Variants in MTSS1 observed in about 807,000 individuals in gnomAD.
MTSS1 encodes protein MTSS 1.
In MTSS1, 18 loss-of-function variants were observed where a neutral mutation model predicts 79.0. The ratio of observed to expected loss-of-function variants is 0.23; its 90% confidence interval spans 0.16 to 0.34. The LOEUF is 0.34. Ranked by LOEUF, MTSS1 falls within the 10% of genes least tolerant of loss-of-function variation. MTSS1 has a pLI of 1.00. For synonymous variants in MTSS1, 341 were observed against 368.6 expected, an observed-to-expected ratio of 0.93 and a Z score of 0.86; for missense variants, 815 against 986.2, an observed-to-expected ratio of 0.83 and a Z score of 2.33.
intron 3 of MTSS1, among the ~76,000 whole-genome samples, chr8:124,602,188 C>CATAT: frequency 2.3e-4 from 27 of 116,784 alleles, no homozygotes; most frequent in Admixed American, 1.1e-3. Context: ...CATATATATA[C>CATAT]ATATATATAT....
chr8:124,572,743 CTTTTTTTTT>C (rs747243821), intron 6 of MTSS1, among the ~76,000 whole-genome samples: 31 of 123,670 alleles, frequency 2.5e-4, no homozygotes, highest in Non-Finnish European at 4.1e-4. Context: ...CTTTTCTTTT[CTTTTTTTTT>C]TTTTTTTTGA....
chr8:124,687,709 G>A (rs949591933), intron 3 of MTSS1, among the ~76,000 whole-genome samples: 1 of 152,232 alleles, frequency 6.6e-6, no homozygotes, highest in Non-Finnish European at 1.5e-5. Flanking sequence ...AGAGAAGCCT[G>A]TGGATCAGCA....
chr8:124,701,665 G>A (rs1207208445), intron 2 of MTSS1, among the ~76,000 whole-genome samples: 1 of 152,186 alleles, frequency 6.6e-6, no homozygotes, highest in Non-Finnish European at 1.5e-5. Context: ...GAGGTGTCTT[G>A]CATATTACAC....
chr8:124,721,708 G>C (rs2135813356), intron 1 of MTSS1, among the ~76,000 whole-genome samples: 1 of 140,376 alleles, frequency 7.1e-6, no homozygotes, highest in Non-Finnish European at 1.6e-5. Flanking sequence ...AAAAGGCTTT[G>C]AGGGAAGACT....
At chr8:124,707,805 G>A (rs1431422602) in intron 1 of MTSS1, among the ~76,000 whole-genome samples, 2 of 152,136 alleles carry the variant, frequency 1.3e-5, no homozygotes, top group African/African-American at 4.8e-5. Context: ...GAGCCCGGGA[G>A]ATCGAAGCTG....
chr8:124,649,825 A>G, intron 3 of MTSS1, among the ~76,000 whole-genome samples: 1 of 152,104 alleles, frequency 6.6e-6, no homozygotes, highest in East Asian at 1.9e-4. Context: ...GTGCTTGGGG[A>G]AAAACACTGA....
chr8:124,660,447 C>G (rs928493783), intron 3 of MTSS1, among the ~76,000 whole-genome samples: 7 of 151,182 alleles, frequency 4.6e-5, no homozygotes, highest in African/African-American at 1.5e-4. Flanking sequence ...CACACACACA[C>G]ACACACACAC....
At chr8:124,567,637 G>T in intron 7 of MTSS1, 1 of 1,393,940 alleles carries the variant, frequency 7.2e-7, no homozygotes, top group Non-Finnish European at 9.3e-7. Context: ...TCTTTCTTGT[G>T]CTTTTCCAGC....
rs1824951209 is a variant in MTSS1 at position 124,674,650 on chromosome 8, C to T, written c.208+24876G>A. 4.0e-5 allele frequency among the ~76,000 whole-genome samples: 6 copies of T among 151,836 alleles called. No homozygotes were observed. The South Asian group carries it at 1.2e-3, about 32-fold the overall frequency. On this transcript the variant is annotated intron_variant, in intron 3 of 13. Transcript: ENST00000518547. ...GAAGCCACCACGCCCGGCCAGATTA[C>T]ATTTATTAAACCTCTCCCAGGCACT...
chr8:124,642,259 A>G (rs901411077), intron 3 of MTSS1, among the ~76,000 whole-genome samples: 1 of 152,246 alleles, frequency 6.6e-6, no homozygotes, highest in Non-Finnish European at 1.5e-5. Flanking sequence ...TAACGAATCA[A>G]TCAGCAGATA....
chr8:124,629,391 C>A (rs1815396347), intron 3 of MTSS1, among the ~76,000 whole-genome samples: 1 of 151,196 alleles, frequency 6.6e-6, no homozygotes, highest in Non-Finnish European at 1.5e-5. Flanking sequence ...GTGGCGGGCA[C>A]CTGTAGTCCC....
rs565396630 is a variant in MTSS1 at position 124,629,765 on chromosome 8, T to G, written c.209-38530A>C. On this transcript the variant is annotated intron_variant, in intron 3 of 13. Coordinates refer to ENST00000518547, the MANE Select transcript of MTSS1 (RefSeq NM_014751.6). Reference sequence around the variant, plus strand: ...CACAGCCTGCCTGAGGGGAGGGTTCTCTCTCCCAGACACCACACCACAAGG... The same window carrying G: ...CACAGCCTGCCTGAGGGGAGGGTTCGCTCTCCCAGACACCACACCACAAGG... Among the ~76,000 whole-genome samples the G allele has an allele frequency of 4.5e-4, 68 of 152,146 alleles. 2 individuals carry two copies. Among genetic ancestry groups the G allele is most frequent in the Non-Finnish European group, 7.5e-4 (51 of 68,020 alleles).
chr8:124,692,980 CCTCTGA>C (rs1230171261), intron 3 of MTSS1, among the ~76,000 whole-genome samples: 9 of 152,078 alleles, frequency 5.9e-5, no homozygotes, highest in Non-Finnish European at 1.3e-4. Flanking sequence ...CTAGGGGAAT[CCTCTGA>C]CCCCAGCATG....
At chr8:124,677,187 G>A (rs1420207129) in intron 3 of MTSS1, among the ~76,000 whole-genome samples, 2 of 152,088 alleles carry the variant, frequency 1.3e-5, no homozygotes, top group African/African-American at 4.8e-5. Flanking sequence ...AGGAGGCAGG[G>A]AGAAAATTTT....
At position 124,727,146 on chromosome 8, in the gene MTSS1, A is replaced by G. The variant is rs1431652296; in HGVS notation, c.72+738T>C. 6.6e-6 allele frequency among the ~76,000 whole-genome samples: 1 copy of G among 151,976 alleles called. No homozygotes were observed. On this transcript the variant is annotated intron_variant, in intron 1 of 13. Coordinates refer to ENST00000518547, the MANE Select transcript of MTSS1 (RefSeq NM_014751.6). This position sits in a 1 kb window ranked among gnomAD's most constrained non-coding sequence, Gnocchi z 4.7. Reference sequence around the variant, plus strand: ...CACACACCATCTTCACAACCCTTCCAAGAGAAAACCTAGAGTGTGTGTCCG... The same window carrying G: ...CACACACCATCTTCACAACCCTTCCGAGAGAAAACCTAGAGTGTGTGTCCG...
In MTSS1 at chr8:124,575,521, C is replaced by T. The variant is rs1828788174; in HGVS notation, c.461-6985G>A. On this transcript the variant is annotated intron_variant, in intron 6 of 13. Coordinates refer to ENST00000518547, the MANE Select transcript of MTSS1 (RefSeq NM_014751.6). ...GCCACCACAGCATCTCTGAAGTTGT[C>T]CTTCTGACACTGGGTAGTTTAGCAG... Among the ~76,000 whole-genome samples, 3 of 152,138 alleles carry T rather than the reference C, an allele frequency of 2.0e-5. No homozygotes were observed. The South Asian group carries it at 6.2e-4, about 32-fold the overall frequency.
chr8:124,553,113 T>C lies in MTSS1; in HGVS notation c.2147A>G (p.Asp716Gly). 6.2e-7 allele frequency: 1 copy of C among 1,614,016 alleles called. No individual in the cohort carries two copies. The highest frequency in any genetic ancestry group is 8.5e-7 in the Non-Finnish European group (1 of 1,179,994). Residue 716 changes from aspartate to glycine, a missense_variant, in exon 14 of 14, where the codon GAC becomes GGC. Physicochemically the swap from Asp to Gly is moderately conservative, Grantham distance 94. Coordinates refer to ENST00000518547, the MANE Select transcript of MTSS1 (RefSeq NM_014751.6). The surrounding 1 kb of genome is among the most constrained non-coding windows in gnomAD (Gnocchi z 6.0). ...TVSPGQIPES[D>G]PADLSPRDTP... is the part of the protein sequence containing the mutation. ...ATCCCTTGGGCTCAGGTCTGCAGGG[T>C]CACTCTCTGGAATCTGGCCTGGGGA...
intron 3 of MTSS1, among the ~76,000 whole-genome samples, chr8:124,617,531 C>G (rs908445792): frequency 6.6e-6 from 1 of 152,138 alleles, no homozygotes; most frequent in Non-Finnish European, 1.5e-5. Context: ...TCACCTAAAC[C>G]AGAGATTTTC....
rs1056353339 is a variant in MTSS1 at position 124,553,999 on chromosome 8, C to G, written c.1568-307G>C. 6.6e-6 allele frequency among the ~76,000 whole-genome samples: 1 copy of G among 152,212 alleles called. No individual in the cohort carries two copies. The highest frequency in any genetic ancestry group is 2.4e-5 in the African/African-American group (1 of 41,456). ...GCAGCGAAGCTACCTGCAAGCGTCT[C>G]TGGGAGGAATAAGGGGGATGAAAGA... is the stretch of plus-strand genomic sequence containing the variant. On this transcript the variant is annotated intron_variant, in intron 13 of 13. Transcript: ENST00000518547. The surrounding 1 kb of genome is among the most constrained non-coding windows in gnomAD (Gnocchi z 6.0).
Sources: allele counts gnomAD v4.1 joint callset (sites outside exome capture counted in the v4.1 genomes callset), GRCh38; gene constraint gnomAD v4.1.1; non-coding constraint Gnocchi (gnomAD v3.1); transcripts MANE v1.5; gene names NCBI Gene and HGNC (gene_info 2026-07-23, HGNC 2026-07-21).